The following ANK2 variants were observed in gnomAD, a reference collection of about 807,000 sequenced individuals.
ANK2 encodes the protein ankyrin-2.
ANK2 carries 83 observed loss-of-function variants against 360.5 expected under a neutral mutation model. The ratio of observed to expected loss-of-function variants is 0.23; its 90% CI spans 0.19 to 0.28. The LOEUF (loss-of-function observed/expected upper bound fraction) is 0.28. Among genes scored for constraint, ANK2 ranks in the 10% least tolerant of loss-of-function variants. The pLI is 1.00. For missense variants in ANK2, 4,201 were observed against 4,795.7 expected (o/e 0.88, Z 3.66); for synonymous variants, 1,740 against 1,759.5 (o/e 0.99, Z 0.28).
intron 1 of ANK2, among the ~76,000 whole-genome samples, chr4:113,107,449 T>C (rs1438576018): frequency 6.6e-6 from 1 of 151,792 alleles, no homozygotes; most frequent in Non-Finnish European, 1.5e-5. Flanking sequence ...ACTCCTGACC[T>C]CAGGTGATCT....
chr4:112,764,680 T>A, the ANK2 span, among the ~76,000 whole-genome samples: 1 of 151,876 alleles, frequency 6.6e-6, no homozygotes, highest in Non-Finnish European at 1.5e-5. Context: ...CCTTTGTATT[T>A]TGTAACTGGT....
intron 4 of ANK2, among the ~76,000 whole-genome samples, chr4:113,217,744 G>A (rs1323206226): frequency 6.6e-6 from 1 of 152,112 alleles, no homozygotes; most frequent in East Asian, 1.9e-4. Flanking sequence ...TCTGCTGTGC[G>A]GCCCAGTTTC....
intron 1 of ANK2, among the ~76,000 whole-genome samples, chr4:112,839,294 A>C (rs1378374932): frequency 6.6e-6 from 1 of 152,242 alleles, no homozygotes; most frequent in Admixed American, 6.5e-5. Flanking sequence ...TGCTGAAGAT[A>C]ATATAGTATC....
chr4:113,011,577 A>G (rs1167740680), intron 2 of ANK2, among the ~76,000 whole-genome samples: 1 of 152,108 alleles, frequency 6.6e-6, no homozygotes, highest in African/African-American at 2.4e-5. Flanking sequence ...TGAAAAAGTA[A>G]CTAGAAGATA....
At chr4:112,823,842 A>G (rs1274350722) in intron 1 of ANK2, among the ~76,000 whole-genome samples, 2 of 152,220 alleles carry the variant, frequency 1.3e-5, no homozygotes, top group Non-Finnish European at 2.9e-5. Context: ...GGATTGGCCC[A>G]TTGTATATAC....
chr4:113,253,260 C>G (rs1266303626), intron 10 of ANK2, among the ~76,000 whole-genome samples: 1 of 152,174 alleles, frequency 6.6e-6, no homozygotes, highest in Non-Finnish European at 1.5e-5. Context: ...TCTCAGTCTC[C>G]TTTACTAGTT....
intron 4 of ANK2, among the ~76,000 whole-genome samples, chr4:113,226,584 GT>G (rs2099225382): frequency 1.3e-5 from 2 of 152,252 alleles, no homozygotes; most frequent in African/African-American, 4.8e-5. Flanking sequence ...GTTCACTAAA[GT>G]GTAATACAGA....
At chr4:112,967,406 G>A (rs1203297918) in intron 2 of ANK2, among the ~76,000 whole-genome samples, 6 of 152,216 alleles carry the variant, frequency 3.9e-5, no homozygotes, top group Non-Finnish European at 8.8e-5. Flanking sequence ...TGCAGCGGCA[G>A]AGCCCAGCGT....
At position 113,373,447 on chromosome 4, in the gene ANK2, G is replaced by T; in HGVS notation, c.11857G>T (p.Glu3953Ter). 6.2e-7 allele frequency: 1 copy of T among 1,614,160 alleles called. No homozygotes were observed. The change falls in exon 45 of 46, where the codon GAG (glutamate) becomes TAG (stop). Residue 3953 changes from glutamate (E) to a stop codon, truncating the protein, a stop_gained and splice_region_variant. Transcript: ENST00000357077. LOFTEE classifies it high-confidence loss of function. ...ATTGAAGAGTGACACCGAGCAGTCA[G>T]AGGTGAGACAACCTGATTCTCTAAA... Reference protein sequence around the residue: ...VVLKSDTEQSEDNNE With the variant: ...VVLKSDTEQS
chr4:113,010,320 G>A (rs2054296729), intron 2 of ANK2, among the ~76,000 whole-genome samples: 1 of 151,888 alleles, frequency 6.6e-6, no homozygotes, highest in Non-Finnish European at 1.5e-5. Context: ...ATAGAGATAA[G>A]CCCAAATGAA....
intron 35 of ANK2, 83 bp from the exon 36 acceptor site, chr4:113,348,193 T>C: frequency 2.9e-6 from 4 of 1,399,362 alleles, no homozygotes; most frequent in Non-Finnish European, 3.0e-6. Context: ...AGGGTATTTA[T>C]TTACTCTTTC....
At chr4:112,809,553 T>C in the ANK2 span, among the ~76,000 whole-genome samples, 20 of 84,180 alleles carry the variant, frequency 2.4e-4, no homozygotes, top group Admixed American at 2.3e-3. Context: ...AGAGCAAGAC[T>C]CCGTCTAAAA....
At chr4:112,815,837 C>T (rs2055586478), upstream of ANK2, among the ~76,000 whole-genome samples, 1 of 152,206 alleles carries the variant, frequency 6.6e-6, no homozygotes, top group South Asian at 2.1e-4. Flanking sequence ...GACAGAAGCT[C>T]CTGCACTCTG....
Position 113,357,419 on chromosome 4 carries a change from A to C in ANK2, c.8801A>C (p.Gln2934Pro), listed in dbSNP as rs1191466416. ...ITSPYENVPS[Q>P]SFFSSEESKT... ...AGCCCTTATGAAAATGTCCCTTCCC[A>C]ATCTTTTTTCTCTAGTGAAGAAAGC... Residue 2934 changes from glutamine to proline, a missense_variant, in exon 38 of 46, where the codon CAA (glutamine) becomes CCA (proline). Physicochemically the swap from Gln to Pro is moderately conservative, Grantham distance 76 (BLOSUM62 -1). Around this residue, in one of 4 missense-constraint regions of ANK2, gnomAD observed 2,642 missense variants for 2,714.5 expected, o/e 0.97. Coordinates refer to ENST00000357077, the MANE Select transcript of ANK2 (RefSeq NM_001148.6). 2.5e-6 allele frequency: 4 copies of C among 1,614,038 alleles called. No homozygotes were observed. In the Admixed American group the frequency reaches 5.0e-5, roughly 20 times the overall value.
intron 2 of ANK2, among the ~76,000 whole-genome samples, chr4:113,040,449 A>G (rs564522649): frequency 5.3e-5 from 8 of 152,078 alleles, no homozygotes; most frequent in Admixed American, 3.3e-4. Flanking sequence ...TTGGACTGGT[A>G]TAAAGCGAAA....
intron 31 of ANK2, among the ~76,000 whole-genome samples, chr4:113,337,538 T>C (rs1175478680): frequency 6.6e-6 from 1 of 152,222 alleles, no homozygotes; most frequent in African/African-American, 2.4e-5. Flanking sequence ...TGGTATTCAG[T>C]AAATATTAGT....
intron 1 of ANK2, among the ~76,000 whole-genome samples, chr4:112,891,023 GAC>G (rs942743315): frequency 2.0e-5 from 3 of 152,120 alleles, no homozygotes; most frequent in Admixed American, 6.5e-5. Flanking sequence ...CTATCTTTTT[GAC>G]AGTTTTTTAT....
chr4:112,938,711 G>T lies in ANK2; in HGVS notation c.21+34197G>T, dbSNP rs149482781. ...CAGAGATAAGAAAAGATTTAGAGGA[G>T]GCTTGAAGATATAAATGAAGAATGC... On this transcript the variant is annotated intron_variant, in intron 2 of 30. Transcript: ENST00000503271. 7.1e-3 allele frequency among the ~76,000 whole-genome samples: 1,083 copies of T among 152,262 alleles called. 6 individuals carry two copies. Among genetic ancestry groups the T allele is most frequent in the African/African-American group, 0.024 (977 of 41,552 alleles).
chr4:113,180,439 T>A (rs1440995580), intron 2 of ANK2, among the ~76,000 whole-genome samples: 4 of 152,236 alleles, frequency 2.6e-5, no homozygotes, highest in East Asian at 1.9e-4. Context: ...GTAATTTTTT[T>A]ATATTGATTC....
Sources: gnomAD v4.1 joint callset for allele counts (sites outside exome capture counted in the v4.1 genomes callset) on GRCh38, gnomAD v4.1.1 for gene constraint, gnomAD v4.1.1 regional missense constraint, MANE v1.5 for transcripts, NCBI Gene and HGNC (gene_info 2026-07-23, HGNC 2026-07-21) for gene names.